The following KLRG1 variants were observed in gnomAD, a reference collection of about 807,000 sequenced individuals.
KLRG1 encodes the protein killer cell lectin like receptor G1.
KLRG1 carries 16 observed loss-of-function variants against 21.8 expected under a neutral mutation model. The observed-to-expected ratio is 0.73, with a 90% confidence interval of 0.50 to 1.11. The LOEUF (loss-of-function observed/expected upper bound fraction) is 1.11, where lower values mean the gene tolerates loss of function less well. KLRG1 is among the 50% of genes most tolerant of loss of function. The pLI is 0.00. For missense variants in KLRG1, 173 were observed against 218.3 expected (o/e 0.79, Z 1.31); for synonymous variants, 69 against 75.9 (o/e 0.91, Z 0.47).
chr12:9,164,746 A>G, the KLRG1 span, among the ~76,000 whole-genome samples: 1 of 152,250 alleles, frequency 6.6e-6, no homozygotes, highest in African/African-American at 2.4e-5. Flanking sequence ...TTACAAAGAG[A>G]TAAGTGCTAT....
chr12:9,165,900 T>C, the KLRG1 span: 117 of 855,946 alleles, frequency 1.4e-4, no homozygotes, highest in African/African-American at 1.8e-3. Context: ...AATGAGCCTA[T>C]GCAATTGCGC....
chr12:9,071,686 A>G, the KLRG1 span, among the ~76,000 whole-genome samples: 1 of 152,194 alleles, frequency 6.6e-6, no homozygotes, highest in South Asian at 2.1e-4. Context: ...AAATGAGAAC[A>G]TGCAGTGTTT....
the KLRG1 span, chr12:9,109,903 C>T: frequency 1.9e-6 from 3 of 1,612,518 alleles, no homozygotes; most frequent in African/African-American, 2.7e-5. Context: ...TCTGTCCTTC[C>T]ACCTGATTTC....
chr12:9,006,050 C>T (rs1206494492), intron 3 of KLRG1, among the ~76,000 whole-genome samples: 3 of 152,294 alleles, frequency 2.0e-5, no homozygotes, highest in Middle Eastern at 3.4e-3. Flanking sequence ...AGTTAACAAC[C>T]ATTTATTGTA....
chr12:8,992,079 C>T, intron 1 of KLRG1, 127 bp from the exon 2 acceptor site: 1 of 695,834 alleles, frequency 1.4e-6, no homozygotes, highest in Non-Finnish European at 2.5e-6. Flanking sequence ...GAAAAGGAAT[C>T]TTTATGGCCT....
At chr12:8,976,794 G>T (rs1449456857) in intron 1 of KLRG1, among the ~76,000 whole-genome samples, 1 of 151,948 alleles carries the variant, frequency 6.6e-6, no homozygotes, top group Non-Finnish European at 1.5e-5. Flanking sequence ...TGCCCAGGCT[G>T]GAGTGCAATG....
At chr12:8,973,603 A>G (rs1463379664) in intron 1 of KLRG1, among the ~76,000 whole-genome samples, 1 of 152,202 alleles carries the variant, frequency 6.6e-6, no homozygotes, top group Non-Finnish European at 1.5e-5. Flanking sequence ...ACCCAGTCTT[A>G]GGTATTTTGT....
intron 1 of KLRG1, among the ~76,000 whole-genome samples, chr12:8,950,610 C>T (rs758548439): frequency 2.6e-5 from 4 of 152,078 alleles, no homozygotes; most frequent in Non-Finnish European, 5.9e-5. Flanking sequence ...TACGTTGCTT[C>T]TATGTGTGCC....
the KLRG1 span, among the ~76,000 whole-genome samples, chr12:9,074,377 T>C: frequency 6.6e-6 from 1 of 152,190 alleles, no homozygotes. Context: ...TTCTGAGCAT[T>C]TCCTTTTGGC....
At chr12:9,114,469 A>G in the KLRG1 span, among the ~76,000 whole-genome samples, 1 of 152,210 alleles carries the variant, frequency 6.6e-6, no homozygotes, top group South Asian at 2.1e-4. Flanking sequence ...CATGAATAAT[A>G]AACACTGTAG....
At chr12:9,151,793 T>C in the KLRG1 span, 1 of 732,582 alleles carries the variant, frequency 1.4e-6, no homozygotes, top group Non-Finnish European at 2.2e-6. Context: ...AAGCTAATTG[T>C]TTTCAGGTCA....
chr12:9,159,092 T>C, the KLRG1 span, among the ~76,000 whole-genome samples: 1 of 152,164 alleles, frequency 6.6e-6, no homozygotes, highest in Non-Finnish European at 1.5e-5. Flanking sequence ...GGATATCATC[T>C]AGTAGAAGGT....
chr12:9,154,114 T>G, the KLRG1 span, among the ~76,000 whole-genome samples: 2 of 152,172 alleles, frequency 1.3e-5, no homozygotes, highest in East Asian at 1.9e-4. Flanking sequence ...ACACATTTTT[T>G]GGGGAATACA....
At chr12:9,146,018 T>C in the KLRG1 span, among the ~76,000 whole-genome samples, 2 of 152,186 alleles carry the variant, frequency 1.3e-5, no homozygotes, top group Non-Finnish European at 1.5e-5. Flanking sequence ...GTGGATTTCA[T>C]TGGGTTCATC....
At chr12:9,120,517 C>G in the KLRG1 span, among the ~76,000 whole-genome samples, 2 of 152,158 alleles carry the variant, frequency 1.3e-5, no homozygotes, top group Non-Finnish European at 1.5e-5. Context: ...CAAATTTTCT[C>G]CTTGTATTGC....
At chr12:9,197,081 G>T in the KLRG1 span, 2 of 1,613,378 alleles carry the variant, frequency 1.2e-6, no homozygotes, top group Non-Finnish European at 1.7e-6. Flanking sequence ...TTCTACACAG[G>T]CTCACAGTTG....
At chr12:9,199,507 CA>C in the KLRG1 span, among the ~76,000 whole-genome samples, 1 of 152,018 alleles carries the variant, frequency 6.6e-6, no homozygotes, top group African/African-American at 2.4e-5. Context: ...TCAAAAAGAT[CA>C]ATGTAAAACA....
At chr12:9,158,752 C>CTTTTTTT in the KLRG1 span, among the ~76,000 whole-genome samples, 46 of 97,792 alleles carry the variant, frequency 4.7e-4, no homozygotes, top group South Asian at 1.2e-3. Context: ...TTTTTCTTTT[C>CTTTTTTT]TTTTCTTTTT....
At chr12:9,004,709 G>A (rs1565552780) in intron 3 of KLRG1, among the ~76,000 whole-genome samples, 1 of 152,056 alleles carries the variant, frequency 6.6e-6, no homozygotes, top group Non-Finnish European at 1.5e-5. Flanking sequence ...CTGAACTCCT[G>A]GCCTCAAGTA....
Sources: allele counts gnomAD v4.1 joint callset (sites outside exome capture counted in the v4.1 genomes callset), GRCh38; gene constraint gnomAD v4.1.1; transcripts MANE v1.5; gene names NCBI Gene and HGNC (gene_info 2026-07-23, HGNC 2026-07-21).